Variants in CDH12 observed in about 807,000 individuals in gnomAD.
The protein encoded by CDH12 is cadherin-12.
A neutral mutation model predicts 74.1 loss-of-function variants in CDH12; 41 were observed. That is an observed-to-expected ratio of 0.55 (90% confidence interval 0.43 to 0.72). The LOEUF is 0.72. Ranked by LOEUF, CDH12 falls within the 30% of genes least tolerant of loss-of-function variation. The pLI is 0.00. For missense variants in CDH12, 945 were observed against 977.2 expected (o/e 0.97, Z 0.44); for synonymous variants, 399 against 355.0 (o/e 1.12, Z -1.39).
chr5:22,484,358 A>T (rs1190396910), intron 2 of CDH12, among the ~76,000 whole-genome samples: 1 of 152,148 alleles, frequency 6.6e-6, no homozygotes, highest in African/African-American at 2.4e-5. Flanking sequence ...TTTTGAGGGG[A>T]AGCAAAGTGG....
intron 6 of CDH12, among the ~76,000 whole-genome samples, chr5:21,885,002 C>T (rs1294104540): frequency 1.3e-5 from 2 of 152,098 alleles, no homozygotes; most frequent in East Asian, 1.9e-4. Flanking sequence ...TCTCCTGCCT[C>T]AGCCTCCCGA....
intron 5 of CDH12, among the ~76,000 whole-genome samples, chr5:22,045,270 T>C (rs1051088780): frequency 2.0e-5 from 3 of 152,178 alleles, no homozygotes; most frequent in Admixed American, 2.0e-4. Flanking sequence ...CAATGGCTAT[T>C]ATCAAAAAGA....
At chr5:22,765,404 T>C (rs1473384044) in intron 1 of CDH12, among the ~76,000 whole-genome samples, 1 of 151,990 alleles carries the variant, frequency 6.6e-6, no homozygotes, top group Admixed American at 6.6e-5. Context: ...AAATTCTTTA[T>C]TGTTATTGGA....
At chr5:22,603,925 A>T (rs540406090) in intron 1 of CDH12, among the ~76,000 whole-genome samples, 1 of 152,296 alleles carries the variant, frequency 6.6e-6, no homozygotes, top group East Asian at 1.9e-4. Flanking sequence ...AATGGGAATA[A>T]TCCAGAAGAG....
intron 3 of CDH12, among the ~76,000 whole-genome samples, chr5:22,354,628 A>G (rs1020769151): frequency 2.6e-5 from 4 of 152,192 alleles, no homozygotes; most frequent in African/African-American, 9.6e-5. Context: ...AGAAGGGAAT[A>G]AAGAGTCAAG....
At chr5:22,365,790 G>T (rs1741004390) in intron 3 of CDH12, among the ~76,000 whole-genome samples, 1 of 152,070 alleles carries the variant, frequency 6.6e-6, no homozygotes, top group African/African-American at 2.4e-5. Flanking sequence ...ATTTTAATTT[G>T]TTGCAGCTAA....
intron 1 of CDH12, among the ~76,000 whole-genome samples, chr5:22,670,368 C>A (rs1277688451): frequency 6.6e-6 from 1 of 152,028 alleles, no homozygotes; most frequent in Non-Finnish European, 1.5e-5. Flanking sequence ...TTTATGATTA[C>A]AAAAGTATCA....
chr5:22,677,017 A>G (rs1053104405), intron 1 of CDH12, among the ~76,000 whole-genome samples: 5 of 152,200 alleles, frequency 3.3e-5, no homozygotes, highest in Admixed American at 2.0e-4. Context: ...ATAATTTTGA[A>G]GTGTCTCCAG....
chr5:22,789,372 GTATGA>G (rs1561032136), intron 1 of CDH12, among the ~76,000 whole-genome samples: 1 of 151,884 alleles, frequency 6.6e-6, no homozygotes, highest in African/African-American at 2.4e-5. Context: ...GTAATATAGA[GTATGA>G]TATAATTGCA....
chr5:22,699,586 C>T (rs1282311596), intron 1 of CDH12, among the ~76,000 whole-genome samples: 2 of 152,148 alleles, frequency 1.3e-5, no homozygotes, highest in Non-Finnish European at 2.9e-5. Flanking sequence ...TTTCTAGGAT[C>T]TGGTCCCAAG....
At chr5:22,710,358 T>C (rs1393046436) in intron 1 of CDH12, among the ~76,000 whole-genome samples, 1 of 152,160 alleles carries the variant, frequency 6.6e-6, no homozygotes, top group Non-Finnish European at 1.5e-5. Flanking sequence ...TTCATCAGCA[T>C]TTGGAATTGT....
intron 1 of CDH12, among the ~76,000 whole-genome samples, chr5:22,821,292 A>G (rs1275356429): frequency 4.6e-5 from 7 of 152,212 alleles, no homozygotes; most frequent in Non-Finnish European, 8.8e-5. Context: ...TGAATAGGCA[A>G]AAACTGGGAG....
chr5:22,156,823 A>G (rs549526474), intron 4 of CDH12, among the ~76,000 whole-genome samples: 32 of 152,276 alleles, frequency 2.1e-4, no homozygotes, highest in African/African-American at 7.2e-4. Context: ...TTTTTTACAT[A>G]TGCATAATGT....
intron 2 of CDH12, among the ~76,000 whole-genome samples, chr5:22,477,565 T>C (rs999708057): frequency 6.6e-6 from 1 of 152,222 alleles, no homozygotes; most frequent in Non-Finnish European, 1.5e-5. Context: ...CATGAGTCTA[T>C]GATACAATGA....
At chr5:21,897,788 C>T (rs1343479903) in intron 6 of CDH12, among the ~76,000 whole-genome samples, 1 of 152,084 alleles carries the variant, frequency 6.6e-6, no homozygotes, top group Admixed American at 6.5e-5. Context: ...CAAATAAAAG[C>T]TAAATTTTGA....
intron 3 of CDH12, among the ~76,000 whole-genome samples, chr5:22,392,146 A>T (rs952231307): frequency 2.6e-5 from 4 of 152,176 alleles, no homozygotes; most frequent in Non-Finnish European, 5.9e-5. Flanking sequence ...AGACTCACTA[A>T]ATAACGATTC....
intron 4 of CDH12, among the ~76,000 whole-genome samples, chr5:22,200,045 G>C (rs921969942): frequency 6.6e-6 from 1 of 152,044 alleles, no homozygotes; most frequent in Non-Finnish European, 1.5e-5. Flanking sequence ...ATCTGTGAGA[G>C]AAATACTTTC....
chr5:22,608,474 G>C (rs56032010), intron 1 of CDH12, among the ~76,000 whole-genome samples: 2,742 of 152,246 alleles, frequency 0.018, 75 homozygotes, highest in African/African-American at 0.064. Context: ...CAGGCTCATA[G>C]GTGGAAGGGA....
chr5:22,066,036 A>G (rs112068902), intron 5 of CDH12, among the ~76,000 whole-genome samples: 1,593 of 152,266 alleles, frequency 0.01, 32 homozygotes, highest in African/African-American at 0.037. Flanking sequence ...TTGCCCCTCA[A>G]TCAGTTTCCA....
Sources: gnomAD v4.1 joint callset for allele counts (sites outside exome capture counted in the v4.1 genomes callset) on GRCh38, gnomAD v4.1.1 for gene constraint, MANE v1.5 for transcripts, NCBI Gene and HGNC (gene_info 2026-07-23, HGNC 2026-07-21) for gene names.